ADK: variants seen among roughly 807,000 people sequenced by gnomAD.
ADK encodes the protein adenosine kinase, also known as N6,N6-dimethyladenosine kinase.
A neutral mutation model predicts 44.7 loss-of-function variants in ADK; 24 were observed. The ratio of observed to expected loss-of-function variants is 0.54; its 90% CI spans 0.39 to 0.76. The LOEUF (loss-of-function observed/expected upper bound fraction) is 0.76. Ranked by LOEUF, ADK falls within the 30% of genes least tolerant of loss-of-function variation. The pLI, the probability that ADK is intolerant of heterozygous loss-of-function variation, is 0.00. For synonymous variants in ADK, 128 were observed against 142.6 expected, an observed-to-expected ratio of 0.90 and a Z score of 0.73; for missense variants, 321 against 425.1, an observed-to-expected ratio of 0.76 and a Z score of 2.15.
At chr10:74,161,007 C>T (rs1439904758) in intron 1 of ADK, among the ~76,000 whole-genome samples, 1 of 152,200 alleles carries the variant, frequency 6.6e-6, no homozygotes, top group East Asian at 1.9e-4. Context: ...CTTTTCTACT[C>T]ACCAAACCTA....
chr10:74,486,553 T>A (rs1054548681), intron 6 of ADK, among the ~76,000 whole-genome samples: 2 of 152,180 alleles, frequency 1.3e-5, no homozygotes, highest in Admixed American at 1.3e-4. Flanking sequence ...TTTAAAACTT[T>A]ATAATGAATA....
intron 10 of ADK, among the ~76,000 whole-genome samples, chr10:74,678,051 G>A (rs1855465491): frequency 6.6e-6 from 1 of 150,836 alleles, no homozygotes; most frequent in East Asian, 1.9e-4. Context: ...TGAGGTGGGA[G>A]GATAGCTTGA....
intron 10 of ADK, among the ~76,000 whole-genome samples, chr10:74,688,760 T>TA (rs1327097578): frequency 6.6e-6 from 1 of 151,834 alleles, no homozygotes; most frequent in Non-Finnish European, 1.5e-5. Flanking sequence ...TATCAAAAAT[T>TA]AAAAAATTAG....
intron 3 of ADK, among the ~76,000 whole-genome samples, chr10:74,299,332 T>TA (rs35091445): frequency 0.62 from 83,439 of 134,186 alleles, 27,252 homozygotes; most frequent in Middle Eastern, 0.76. Context: ...CATCTCTACT[T>TA]AAAAAAAAAA....
At chr10:74,677,992 A>G (rs1356210082) in intron 10 of ADK, among the ~76,000 whole-genome samples, 2 of 149,208 alleles carry the variant, frequency 1.3e-5, no homozygotes, top group East Asian at 3.9e-4. Flanking sequence ...AAAAAAAAAA[A>G]TAGCCAGGCA....
intron 6 of ADK, among the ~76,000 whole-genome samples, chr10:74,422,239 A>C (rs542850596): frequency 6.6e-6 from 1 of 152,360 alleles, no homozygotes; most frequent in African/African-American, 2.4e-5. Context: ...CAATCTAATC[A>C]TTAGGAAAAC....
intron 6 of ADK, among the ~76,000 whole-genome samples, chr10:74,431,465 G>T (rs1453519972): frequency 6.6e-6 from 1 of 152,200 alleles, no homozygotes; most frequent in Non-Finnish European, 1.5e-5. Flanking sequence ...CTGAGGCCGG[G>T]CATGGTGGCT....
At chr10:74,362,915 A>G (rs1019693534) in intron 4 of ADK, among the ~76,000 whole-genome samples, 1 of 152,230 alleles carries the variant, frequency 6.6e-6, no homozygotes, top group African/African-American at 2.4e-5. Flanking sequence ...ACCTGAAGCC[A>G]GAAGACTCTC....
intron 6 of ADK, among the ~76,000 whole-genome samples, chr10:74,414,666 C>T (rs1456367548): frequency 6.6e-6 from 1 of 151,842 alleles, no homozygotes; most frequent in Non-Finnish European, 1.5e-5. Context: ...ACCTGGGAGG[C>T]AGAGGTTGCA....
At chr10:74,457,441 C>T (rs1186073494) in intron 6 of ADK, among the ~76,000 whole-genome samples, 1 of 152,212 alleles carries the variant, frequency 6.6e-6, no homozygotes, top group Non-Finnish European at 1.5e-5. Flanking sequence ...TTAGTTCAAT[C>T]ATTGTGGAAG....
chr10:74,455,857 CAG>C (rs998677123), intron 6 of ADK, among the ~76,000 whole-genome samples: 2 of 152,128 alleles, frequency 1.3e-5, no homozygotes, highest in Non-Finnish European at 1.5e-5. Context: ...AGGGTTTCTG[CAG>C]AGAGATCTGC....
At chr10:74,174,246 G>A (rs774931809) in intron 1 of ADK, among the ~76,000 whole-genome samples, 22 of 149,418 alleles carry the variant, frequency 1.5e-4, no homozygotes, top group Non-Finnish European at 2.5e-4. Flanking sequence ...GGATGGGGGC[G>A]GAGGTTGCAG....
chr10:74,456,778 C>G (rs917298193), intron 6 of ADK, among the ~76,000 whole-genome samples: 4 of 151,622 alleles, frequency 2.6e-5, no homozygotes, highest in South Asian at 2.1e-4. Flanking sequence ...TTCTTTGGAA[C>G]CATTGAGAAC....
At chr10:74,694,791 C>T (rs566113561) in intron 10 of ADK, among the ~76,000 whole-genome samples, 4 of 152,214 alleles carry the variant, frequency 2.6e-5, no homozygotes, top group African/African-American at 9.6e-5. Context: ...CAGAAGTTTT[C>T]ATTTTAGCAC....
chr10:74,219,321 A>G (rs569393319), intron 2 of ADK, among the ~76,000 whole-genome samples: 148 of 152,202 alleles, frequency 9.7e-4, no homozygotes, highest in African/African-American at 3.5e-3. Context: ...AGAGCTAACT[A>G]TCCTAAATAT....
chr10:74,642,893 G>A (rs1056592733), intron 9 of ADK, among the ~76,000 whole-genome samples: 1 of 145,562 alleles, frequency 6.9e-6, no homozygotes, highest in African/African-American at 2.6e-5. Flanking sequence ...AGGCTGGAGT[G>A]CAGTAGCATG....
chr10:74,389,225 A>G (rs924052492), intron 4 of ADK, among the ~76,000 whole-genome samples: 1 of 152,240 alleles, frequency 6.6e-6, no homozygotes, highest in Non-Finnish European at 1.5e-5. Context: ...TTTAGCTAAA[A>G]GAAGGAGCAT....
At chr10:74,667,440 G>A (rs1305337190) in intron 9 of ADK, among the ~76,000 whole-genome samples, 2 of 151,174 alleles carry the variant, frequency 1.3e-5, no homozygotes, top group African/African-American at 4.9e-5. Flanking sequence ...TGATGTGTGT[G>A]TGTGTATATA....
intron 4 of ADK, among the ~76,000 whole-genome samples, chr10:74,383,412 C>CTGTCTCTGTCTCTGTCTCTG (rs1171778180): frequency 6.7e-6 from 1 of 150,304 alleles, no homozygotes; most frequent in South Asian, 2.1e-4. Flanking sequence ...GTCTCTGTCT[C>CTGTCTCTGTCTCTGTCTCTG]TCTCTCTCTC....
Sources: gnomAD v4.1 joint callset for allele counts (sites outside exome capture counted in the v4.1 genomes callset) on GRCh38, gnomAD v4.1.1 for gene constraint, MANE v1.5 for transcripts, NCBI Gene and HGNC (gene_info 2026-07-23, HGNC 2026-07-21) for gene names.